C1orf87: variants seen among roughly 807,000 people sequenced by gnomAD.
The protein encoded by C1orf87 is chromosome 1 open reading frame 87, also known as uncharacterized protein C1orf87.
A neutral mutation model predicts 60.5 loss-of-function variants in C1orf87; 58 were observed. The observed-to-expected ratio is 0.96, with a 90% CI of 0.78 to 1.19. The LOEUF (loss-of-function observed/expected upper bound fraction) is 1.19. C1orf87 is among the 50% of genes most tolerant of loss of function. The pLI is 0.00. For missense variants in C1orf87, 673 were observed against 638.6 expected, an observed-to-expected ratio of 1.05 and a Z score of -0.58; for synonymous variants, 236 against 227.4, an observed-to-expected ratio of 1.04 and a Z score of -0.34.
At chr1:60,033,753 C>T (rs1645256124) in intron 6 of C1orf87, 112 bp from the exon 7 acceptor site, 1 of 1,230,604 alleles carries the variant, frequency 8.1e-7, no homozygotes, top group East Asian at 2.4e-5. Flanking sequence ...CCAGAGAGCC[C>T]ATCTACGTAG....
Position 60,032,432 on chromosome 1 carries a change from G to GTTTTTTTTT in C1orf87, c.1029+1035_1029+1043dup, listed in dbSNP as rs11376932. The stretch of plus-strand genomic sequence containing the variant: ...TTCAATTGGCCTCTTTGAGACTCAG[G>GTTTTTTTTT]TTTTTTTTTTTTTTTTTTTTTTTGA... On this transcript the variant is annotated intron_variant, in intron 7 of 11. Transcript: ENST00000371201. Among the ~76,000 whole-genome samples the GTTTTTTTTT allele has an allele frequency of 1.2e-4, 11 of 88,568 alleles. 1 individual carries two copies. The highest frequency in any genetic ancestry group is 2.9e-4 in the Admixed American group (2 of 7,016). The allele number at this position is 88,568 out of a possible 152,430, so 58.1% of individuals were successfully genotyped here. A position where few individuals can be genotyped will look rare whatever the true frequency, so the allele number is the denominator to read the frequency against.
At chr1:60,048,832 T>C (rs1489658754) in intron 3 of C1orf87, among the ~76,000 whole-genome samples, 3 of 151,950 alleles carry the variant, frequency 2.0e-5, no homozygotes, top group Admixed American at 2.0e-4. Flanking sequence ...TTTTTCTACC[T>C]CACTTTTATT....
intron 2 of C1orf87, among the ~76,000 whole-genome samples, chr1:60,069,120 A>C (rs1306146733): frequency 6.6e-6 from 1 of 152,188 alleles, no homozygotes; most frequent in Non-Finnish European, 1.5e-5. Context: ...AGTTGTAAGC[A>C]TGTACTATTC....
intron 2 of C1orf87, among the ~76,000 whole-genome samples, chr1:60,060,874 T>C (rs556430509): frequency 1.4e-4 from 22 of 152,340 alleles, no homozygotes; most frequent in Non-Finnish European, 3.1e-4. Flanking sequence ...GTTTATTGGC[T>C]AAAATGTAAA....
At chr1:60,049,741 C>A (rs933858962) in intron 3 of C1orf87, among the ~76,000 whole-genome samples, 12 of 152,014 alleles carry the variant, frequency 7.9e-5, no homozygotes, top group Non-Finnish European at 1.2e-4. Flanking sequence ...TACACTTAAA[C>A]CTTTGATGTA....
intron 11 of C1orf87, among the ~76,000 whole-genome samples, chr1:59,995,806 G>A (rs1043723955): frequency 6.6e-6 from 1 of 152,170 alleles, no homozygotes; most frequent in Non-Finnish European, 1.5e-5. Context: ...TTACAGGCAT[G>A]AGCCACCATG....
chr1:60,067,548 C>G (rs1645555505), intron 2 of C1orf87, among the ~76,000 whole-genome samples: 1 of 124,506 alleles, frequency 8.0e-6, no homozygotes, highest in Non-Finnish European at 1.7e-5. Context: ...CTTTTGCCCA[C>G]TTTTTGATGG....
At chr1:59,996,201 T>A (rs1414907042) in intron 11 of C1orf87, among the ~76,000 whole-genome samples, 2 of 152,150 alleles carry the variant, frequency 1.3e-5, no homozygotes, top group Non-Finnish European at 2.9e-5. Context: ...AAGACAGACA[T>A]TGCTATTGTC....
At chr1:60,052,320 A>G (rs1224847300) in intron 3 of C1orf87, among the ~76,000 whole-genome samples, 1 of 147,928 alleles carries the variant, frequency 6.8e-6, no homozygotes, top group African/African-American at 2.5e-5. Context: ...ATTCTGAGAA[A>G]TGATATAAAC....
rs765356998 is a variant in C1orf87 at position 60,055,274 on chromosome 1, T to C, written c.272A>G (p.Asn91Ser). 1.2e-5 allele frequency: 20 copies of C among 1,614,074 alleles called. No individual in the cohort carries two copies. In the South Asian group the frequency reaches 2.1e-4, roughly 17 times the overall value. ...CTGGTTGTTTTCTGATTTCTGGTTGTTCTCTGGGTGCTTTTTCTCTTTCAC... is the reference window on the plus strand; with the variant it reads ...CTGGTTGTTTTCTGATTTCTGGTTGCTCTCTGGGTGCTTTTTCTCTTTCAC... ...DDVKEKKHPE[N>S]NQKSENNQKL... Residue 91 changes from asparagine (N) to serine (S), a missense_variant, in exon 3 of 12, where the codon AAC becomes AGC. Transcript: ENST00000371201.
intron 9 of C1orf87, among the ~76,000 whole-genome samples, chr1:60,005,107 GC>G (rs1645033953): frequency 6.6e-6 from 1 of 152,176 alleles, no homozygotes; most frequent in Non-Finnish European, 1.5e-5. Context: ...ACTGAATGAA[GC>G]TTTTGTGAGA....
At chr1:60,059,735 T>G (rs1645481964) in intron 2 of C1orf87, among the ~76,000 whole-genome samples, 1 of 152,164 alleles carries the variant, frequency 6.6e-6, no homozygotes, top group Admixed American at 6.5e-5. Flanking sequence ...GGTCACCAGA[T>G]GCCATCTTAA....
chr1:60,048,636 CA>C (rs1645390716), intron 3 of C1orf87, among the ~76,000 whole-genome samples: 1 of 152,092 alleles, frequency 6.6e-6, no homozygotes, highest in African/African-American at 2.4e-5. Context: ...GCCAAACCTA[CA>C]AAACAAGACA....
chr1:59,990,451 G>T lies in C1orf87; in HGVS notation c.*222C>A. 1 of 366,112 alleles carries T rather than the reference G, an allele frequency of 2.7e-6. No homozygotes were observed. Among genetic ancestry groups the T allele is most frequent in the Non-Finnish European group, 4.8e-6 (1 of 206,824 alleles). The allele number at this position is 366,112 out of a possible 1,614,324, so 22.7% of individuals were successfully genotyped here. On this transcript the variant is annotated 3_prime_UTR_variant, in exon 12 of 12. Transcript: ENST00000371201. The stretch of plus-strand genomic sequence containing the variant: ...GGAGATTCTAAGTAGCTGGGTTCTT[G>T]CCACATCAAAAGATAAAACTAGGTT...
chr1:60,037,904 G>A (rs1227871664), intron 6 of C1orf87, 88 bp downstream of exon 6: 2 of 741,578 alleles, frequency 2.7e-6, no homozygotes, highest in Non-Finnish European at 4.4e-6. Context: ...TTCTTTATAA[G>A]CCACCCAGTT....
intron 8 of C1orf87, among the ~76,000 whole-genome samples, chr1:60,022,499 T>C (rs1645170633): frequency 6.6e-6 from 1 of 152,154 alleles, no homozygotes; most frequent in South Asian, 2.1e-4. Context: ...TTTCCCCTTA[T>C]CCACAGGGTA....
chr1:60,036,503 A>T (rs1364759221), intron 6 of C1orf87, among the ~76,000 whole-genome samples: 4 of 152,246 alleles, frequency 2.6e-5, no homozygotes, highest in African/African-American at 9.6e-5. Context: ...CTTACATAGT[A>T]CTTACTATGT....
At chr1:60,030,102 A>C (rs1645226990) in intron 7 of C1orf87, among the ~76,000 whole-genome samples, 1 of 152,048 alleles carries the variant, frequency 6.6e-6, no homozygotes. Context: ...GACGTATTTA[A>C]AACATTGCCT....
intron 9 of C1orf87, among the ~76,000 whole-genome samples, chr1:60,004,408 G>T (rs923683088): frequency 6.6e-5 from 10 of 151,984 alleles, no homozygotes; most frequent in African/African-American, 2.4e-4. Context: ...CCCCAGAGAA[G>T]AGAAACTAAC....
Sources: gnomAD v4.1 joint callset for allele counts (sites outside exome capture counted in the v4.1 genomes callset) on GRCh38, gnomAD v4.1.1 for gene constraint, MANE v1.5 for transcripts, NCBI Gene and HGNC (gene_info 2026-07-23, HGNC 2026-07-21) for gene names.